The following PTPRD variants were observed in gnomAD, a reference collection of about 807,000 sequenced individuals.
The protein encoded by PTPRD is protein tyrosine phosphatase receptor type D, also known as receptor-type tyrosine-protein phosphatase delta.
Under a neutral mutation model 214.5 loss-of-function variants are expected in PTPRD, and 34 were observed. The ratio of observed to expected loss-of-function variants is 0.16; its 90% CI spans 0.12 to 0.21. The LOEUF is 0.21. PTPRD is among the 10% of genes least tolerant of loss of function. PTPRD has a pLI of 1.00. For missense variants in PTPRD, 2,545 were observed against 2,398.7 expected (o/e 1.06, Z -1.27); for synonymous variants, 1,128 against 845.7 (o/e 1.33, Z -5.79).
intron 8 of PTPRD, among the ~76,000 whole-genome samples, chr9:9,487,109 T>G (rs1484994656): frequency 6.6e-6 from 1 of 152,194 alleles, no homozygotes; most frequent in Non-Finnish European, 1.5e-5. Context: ...TTGCACAATG[T>G]GCAGGTTGGT....
intron 12 of PTPRD, among the ~76,000 whole-genome samples, chr9:8,714,492 G>C (rs1257743761): frequency 6.6e-6 from 1 of 152,104 alleles, no homozygotes; most frequent in Non-Finnish European, 1.5e-5. Context: ...CTGACCTCCA[G>C]ATAGCTTGGT....
chr9:9,295,584 A>T (rs755591722), intron 9 of PTPRD, among the ~76,000 whole-genome samples: 13 of 151,752 alleles, frequency 8.6e-5, no homozygotes, highest in Non-Finnish European at 1.8e-4. Context: ...TTTTTAAGAG[A>T]CTATTGGAGC....
At chr9:9,678,028 C>A (rs572985441) in intron 7 of PTPRD, among the ~76,000 whole-genome samples, 38 of 152,188 alleles carry the variant, frequency 2.5e-4, no homozygotes, top group African/African-American at 9.2e-4. Context: ...TGAAGGACCT[C>A]TTCAAGGAGA....
chr9:9,990,621 C>G (rs2095878798), intron 4 of PTPRD, among the ~76,000 whole-genome samples: 1 of 152,214 alleles, frequency 6.6e-6, no homozygotes, highest in Admixed American at 6.5e-5. Context: ...GTAGCTTCTT[C>G]TTAGAAAATA....
At chr9:8,640,275 G>C (rs971395653) in intron 12 of PTPRD, among the ~76,000 whole-genome samples, 2 of 152,102 alleles carry the variant, frequency 1.3e-5, no homozygotes, top group Non-Finnish European at 2.9e-5. Context: ...ATGCCACCCA[G>C]GAGGCAGAGG....
In PTPRD at chr9:8,522,943, T is replaced by C. The variant is rs1421878721; in HGVS notation, c.691+570A>G. Among the ~76,000 whole-genome samples the C allele has an allele frequency of 2.6e-5, 4 of 152,170 alleles. No individual in the cohort carries two copies. The East Asian group carries it at 5.8e-4, about 22-fold the overall frequency. On this transcript the variant is annotated intron_variant, in intron 19 of 45. Coordinates refer to ENST00000381196, the MANE Select transcript of PTPRD (RefSeq NM_002839.4). ...TTTTTGGCTGCTCTTAAGGTCGAGA[T>C]AAACCTCCGCTTATTTGAGATGGCT...
At chr9:8,338,845 C>G (rs1452772084) in intron 43 of PTPRD, 77 bp downstream of exon 43, 2 of 1,048,574 alleles carry the variant, frequency 1.9e-6, no homozygotes, top group African/African-American at 4.3e-5. Context: ...AAGTGCTTCT[C>G]CCAGAGAGAG....
chr9:10,448,265 A>G (rs1039266734), intron 2 of PTPRD, among the ~76,000 whole-genome samples: 7 of 151,904 alleles, frequency 4.6e-5, no homozygotes, highest in Non-Finnish European at 8.8e-5. Flanking sequence ...ATAATTAGAG[A>G]GTTGGTGATA....
At chr9:10,045,686 A>G (rs2097375126) in intron 3 of PTPRD, among the ~76,000 whole-genome samples, 1 of 151,750 alleles carries the variant, frequency 6.6e-6, no homozygotes, top group Admixed American at 6.6e-5. Context: ...AATCATTCCT[A>G]TTTTAAATAT....
At chr9:8,453,339 AT>A (rs1193897015) in intron 33 of PTPRD, among the ~76,000 whole-genome samples, 36 of 151,594 alleles carry the variant, frequency 2.4e-4, no homozygotes, top group Non-Finnish European at 3.8e-4. Context: ...AATTTTTTGT[AT>A]TTTTTAGTAG....
intron 3 of PTPRD, among the ~76,000 whole-genome samples, chr9:10,106,716 T>C (rs2098636793): frequency 6.6e-6 from 1 of 151,776 alleles, no homozygotes; most frequent in Non-Finnish European, 1.5e-5. Flanking sequence ...TGAACTAAAA[T>C]AAAAACGTGT....
chr9:9,406,595 T>C (rs994903720), intron 8 of PTPRD, among the ~76,000 whole-genome samples: 3 of 151,880 alleles, frequency 2.0e-5, no homozygotes, highest in African/African-American at 7.2e-5. Context: ...AGGGAGAATT[T>C]TGATATATTT....
intron 2 of PTPRD, among the ~76,000 whole-genome samples, chr9:10,354,871 T>C (rs140409692): frequency 1.2e-4 from 19 of 152,302 alleles, no homozygotes; most frequent in Non-Finnish European, 1.9e-4. Context: ...CTAGTACATA[T>C]CATAATTTTG....
At chr9:9,891,545 A>AT (rs1487722038) in intron 5 of PTPRD, among the ~76,000 whole-genome samples, 1 of 151,986 alleles carries the variant, frequency 6.6e-6, no homozygotes, top group African/African-American at 2.4e-5. Flanking sequence ...ATATGAGCTT[A>AT]TTTTTTTGAC....
At chr9:9,966,579 C>A (rs1016190046) in intron 4 of PTPRD, among the ~76,000 whole-genome samples, 1 of 152,090 alleles carries the variant, frequency 6.6e-6, no homozygotes, top group East Asian at 1.9e-4. Flanking sequence ...AAGATATGCC[C>A]TGCTTATTAT....
In PTPRD at chr9:8,439,178, T is replaced by C. The variant is rs141341648; in HGVS notation, c.3989-2489A>G. Among the ~76,000 whole-genome samples the C allele has an allele frequency of 1.4e-3, 206 of 152,298 alleles. 2 individuals are homozygous for C. In the Middle Eastern group the frequency reaches 0.027, roughly 20 times the overall value. On this transcript the variant is annotated intron_variant, in intron 34 of 45. Coordinates refer to ENST00000381196, the MANE Select transcript of PTPRD (RefSeq NM_002839.4). ...GGGAGGAGAATCTGTGTGAATCCAA[T>C]GGTACAGGAGAAAGAACCCTGGCTT...
intron 12 of PTPRD, among the ~76,000 whole-genome samples, chr9:8,646,241 G>A (rs2096687026): frequency 6.6e-6 from 1 of 152,122 alleles, no homozygotes; most frequent in African/African-American, 2.4e-5. Context: ...TCTCACTTCA[G>A]GTGCTTCATC....
intron 3 of PTPRD, among the ~76,000 whole-genome samples, chr9:10,055,917 C>T (rs1024478071): frequency 6.6e-6 from 1 of 151,376 alleles, no homozygotes; most frequent in Non-Finnish European, 1.5e-5. Context: ...TGTGTACTTA[C>T]TGCAACATCT....
chr9:9,947,599 A>T (rs1176324217), intron 4 of PTPRD, among the ~76,000 whole-genome samples: 2 of 60,998 alleles, frequency 3.3e-5, no homozygotes, highest in Non-Finnish European at 5.9e-5. Context: ...TATATATAAT[A>T]TATATATTTT....
Sources: allele counts gnomAD v4.1 joint callset (sites outside exome capture counted in the v4.1 genomes callset), GRCh38; gene constraint gnomAD v4.1.1; transcripts MANE v1.5; gene names NCBI Gene and HGNC (gene_info 2026-07-23, HGNC 2026-07-21).